Variants in NEB observed in about 807,000 individuals in gnomAD.
NEB encodes nebulin.
A neutral mutation model predicts 952.2 loss-of-function variants in NEB; 512 were observed. That is an observed-to-expected ratio of 0.54 (90% CI 0.50 to 0.58). NEB has a LOEUF of 0.58. Among genes scored for constraint, NEB ranks in the 20% least tolerant of loss-of-function variants. The probability of loss-of-function intolerance (pLI) is 0.00; values close to 1 mark genes in which losing one functional copy is unlikely to be tolerated. For missense variants in NEB, 8,428 were observed against 9,231.1 expected, an observed-to-expected ratio of 0.91 and a Z score of 3.56; for synonymous variants, 2,900 against 3,149.8, an observed-to-expected ratio of 0.92 and a Z score of 2.66.
Position 151,672,546 on chromosome 2 carries a change from A to G in NEB, c.4122T>C (p.Tyr1374=), listed in dbSNP as rs778135952. The G allele has an allele frequency of 3.1e-6, 5 of 1,614,012 alleles. No homozygotes were observed. The Admixed American group carries it at 6.7e-5, about 22-fold the overall frequency. ...LQSDREYKKN[Y]ENTKTSYHTP... is the part of the protein sequence containing the mutation. ...TATGGTAGCTGGTTTTGGTGTTCTC[A>G]TAGTTCTTCTTGTATTCACGATCAG... Residue 1374 remains tyrosine, a synonymous_variant, in exon 37 of 182, where the codon TAT becomes TAC. Coordinates refer to ENST00000397345, the MANE Select transcript of NEB (RefSeq NM_001164508.2).
intron 39 of NEB, 100 bp from the exon 40 acceptor site, chr2:151,668,011 C>T: frequency 2.4e-6 from 2 of 835,918 alleles, no homozygotes. Flanking sequence ...TAATAGATCC[C>T]TTTCTATTAA....
chr2:151,535,898 A>T, intron 141 of NEB, 103 bp from the exon 142 acceptor site: 1 of 647,922 alleles, frequency 1.5e-6, no homozygotes, highest in Non-Finnish European at 2.6e-6. Flanking sequence ...TAATTCATAG[A>T]ACTAACACAT....
At chr2:151,674,426 T>C in intron 36 of NEB, 51 bp downstream of exon 36, 2 of 1,344,476 alleles carry the variant, frequency 1.5e-6, no homozygotes, top group East Asian at 2.3e-5. Context: ...AAGCATTTGA[T>C]TACTTTTCAA....
intron 23 of NEB, 98 bp downstream of exon 23, chr2:151,691,766 A>T (rs2099553036): frequency 1.1e-6 from 1 of 920,292 alleles, no homozygotes; most frequent in Admixed American, 2.0e-5. Flanking sequence ...ATCTCCTTCT[A>T]ATCACTAGAT....
rs1469187168 is a variant in NEB, at chr2:151,614,589, TA to T, written c.11290-3del. The T allele has an allele frequency of 2.5e-6, 4 of 1,609,936 alleles. No homozygotes were observed. The highest frequency in any genetic ancestry group is 3.4e-6 in the Non-Finnish European group (4 of 1,177,264). On this transcript the variant is annotated splice_region_variant and splice_polypyrimidine_tract_variant and intron_variant, in intron 76 of 181. Transcript: ENST00000397345. Reference sequence around the variant, plus strand: ...GCGGTAGCCTTCCTTGTACTTGTACTAAAAAAATAGAGATATGAGTATAATG... The same window carrying T: ...GCGGTAGCCTTCCTTGTACTTGTACTAAAAAATAGAGATATGAGTATAATG...
intron 10 of NEB, among the ~76,000 whole-genome samples, chr2:151,716,849 C>A (rs960156944): frequency 6.6e-6 from 1 of 152,160 alleles, no homozygotes; most frequent in Non-Finnish European, 1.5e-5. Context: ...TTAGCATGGG[C>A]CTATTCATCA....
chr2:151,560,716 C>T lies in NEB; in HGVS notation c.19207-17G>A, dbSNP rs764685411. ...GTACAGGTTCTGCAGGAATTAAAGA[C>T]CTTCTTGTGAATATGGGAAAATGCA... On this transcript the variant is annotated splice_polypyrimidine_tract_variant and intron_variant, in intron 123 of 181. Coordinates refer to ENST00000397345, the MANE Select transcript of NEB (RefSeq NM_001164508.2). The T allele has an allele frequency of 6.3e-7, 1 of 1,578,302 alleles. No individual in the cohort carries two copies. The highest frequency in any genetic ancestry group is 8.7e-7 in the Non-Finnish European group (1 of 1,153,730).
chr2:151,561,965 G>T (rs777195590), intron 121 of NEB, 145 bp downstream of exon 121: 14 of 664,958 alleles, frequency 2.1e-5, no homozygotes, highest in African/African-American at 3.6e-5. Flanking sequence ...GACACTAGAA[G>T]AGCTTTGATT....
intron 105 of NEB, among the ~76,000 whole-genome samples, chr2:151,577,990 G>A (rs1307358479): frequency 2.0e-5 from 3 of 152,230 alleles, no homozygotes; most frequent in African/African-American, 7.2e-5. Flanking sequence ...TTAAGAATTC[G>A]ATCACTACTT....
chr2:151,539,182 C>T (rs1331146543), intron 138 of NEB, among the ~76,000 whole-genome samples: 3 of 152,096 alleles, frequency 2.0e-5, no homozygotes, highest in Non-Finnish European at 4.4e-5. Context: ...AATGTGTGGC[C>T]ACCGCTGTAA....
Position 151,717,537 on chromosome 2 carries a change from C to T in NEB, c.718-17G>A. Reference sequence around the variant, plus strand: ...GTAGGCAACCTGATGAAATAAAAGACAGGGATGTATTTTAAAAACGATTAT... The same window carrying T: ...GTAGGCAACCTGATGAAATAAAAGATAGGGATGTATTTTAAAAACGATTAT... On this transcript the variant is annotated splice_polypyrimidine_tract_variant and intron_variant, in intron 9 of 181. Coordinates refer to ENST00000397345, the MANE Select transcript of NEB (RefSeq NM_001164508.2). 12 of 1,569,820 alleles carry T rather than the reference C, an allele frequency of 7.6e-6. No individual in the cohort carries two copies. The highest frequency in any genetic ancestry group is 1.1e-5 in the Non-Finnish European group (12 of 1,140,394).
chr2:151,683,123 T>C (rs2148760093), intron 28 of NEB, among the ~76,000 whole-genome samples: 1 of 152,338 alleles, frequency 6.6e-6, no homozygotes, highest in South Asian at 2.1e-4. Context: ...TTAAGTATTA[T>C]GTTTCTATCA....
intron 4 of NEB, 144 bp from the exon 5 acceptor site, chr2:151,728,050 T>G (rs2099796286): frequency 3.1e-6 from 2 of 651,208 alleles, no homozygotes; most frequent in Non-Finnish European, 5.3e-6. Flanking sequence ...AAGCAGGAAA[T>G]GGCACACTGT....
Position 151,640,078 on chromosome 2 carries a change from CAATA to C in NEB, c.8686-22_8686-19del, listed in dbSNP as rs1387917871. On this transcript the variant is annotated intron_variant, in intron 61 of 181. Transcript: ENST00000397345. ...TACATATTCTGTTGACACAAATAGC[CAATA>C]AATATTTATCTCTGTATCAGCAATG... 1.3e-6 allele frequency: 2 copies of C among 1,598,618 alleles called. No individual in the cohort carries two copies. The highest frequency in any genetic ancestry group is 1.7e-6 in the Non-Finnish European group (2 of 1,166,464).
At chr2:151,537,354 A>T in intron 140 of NEB, 118 bp from the exon 141 acceptor site, 2 of 618,860 alleles carry the variant, frequency 3.2e-6, no homozygotes, top group South Asian at 4.2e-5. Context: ...AAAATAATAA[A>T]GTATTAAAAC....
At chr2:151,617,538 T>C in intron 74 of NEB, 70 bp from the exon 75 acceptor site, 1 of 976,368 alleles carries the variant, frequency 1.0e-6, no homozygotes, top group Non-Finnish European at 1.5e-6. Context: ...TATTATTGTT[T>C]TGATTATGTG....
chr2:151,685,206 C>A (rs1217538959), intron 27 of NEB, among the ~76,000 whole-genome samples: 1 of 152,110 alleles, frequency 6.6e-6, no homozygotes, highest in Non-Finnish European at 1.5e-5. Flanking sequence ...CAGCAGACAG[C>A]GGGCCACAGC....
chr2:151,668,907 A>T, intron 39 of NEB, 120 bp downstream of exon 39: 2 of 726,790 alleles, frequency 2.8e-6, no homozygotes, highest in Non-Finnish European at 4.5e-6. Context: ...TTAAGGGTTT[A>T]ATGTGGAGGC....
Position 151,631,350 on chromosome 2 carries a change from A to C in NEB, c.9415-4T>G, listed in dbSNP as rs769118290. 1.2e-6 allele frequency: 2 copies of C among 1,607,356 alleles called. No homozygotes were observed. Among genetic ancestry groups the C allele is most frequent in the South Asian group, 2.2e-5 (2 of 90,654 alleles). On this transcript the variant is annotated splice_region_variant and splice_polypyrimidine_tract_variant and intron_variant, in intron 65 of 181. Coordinates refer to ENST00000397345, the MANE Select transcript of NEB (RefSeq NM_001164508.2). Reference sequence around the variant, plus strand: ...GGAGATCTGACTTGTAAATATTCTGAGCAGAGGAAAAAAGTCAAAAACTCT... The same window carrying C: ...GGAGATCTGACTTGTAAATATTCTGCGCAGAGGAAAAAAGTCAAAAACTCT...
Sources: gnomAD v4.1 joint callset for allele counts (sites outside exome capture counted in the v4.1 genomes callset) on GRCh38, gnomAD v4.1.1 for gene constraint, MANE v1.5 for transcripts, NCBI Gene and HGNC (gene_info 2026-07-23, HGNC 2026-07-21) for gene names.